Variants in CDH13 observed in about 807,000 individuals in gnomAD.
CDH13 encodes the protein cadherin 13.
A neutral mutation model predicts 63.8 loss-of-function variants in CDH13; 24 were observed. The observed-to-expected ratio is 0.38, with a 90% confidence interval of 0.27 to 0.53. The LOEUF is 0.53. Ranked by LOEUF, CDH13 falls within the 20% of genes least tolerant of loss-of-function variation. CDH13 has a pLI of 0.85. For missense variants in CDH13, 1,049 were observed against 903.1 expected, an observed-to-expected ratio of 1.16 and a Z score of -2.07; for synonymous variants, 503 against 355.3, an observed-to-expected ratio of 1.42 and a Z score of -4.67.
At chr16:82,890,512 A>G (rs2041042538) in intron 2 of CDH13, among the ~76,000 whole-genome samples, 1 of 152,234 alleles carries the variant, frequency 6.6e-6, no homozygotes, top group South Asian at 2.1e-4. Flanking sequence ...TGGAGTCATC[A>G]ACAGATGAAA....
At chr16:83,125,354 T>G in intron 3 of CDH13, 31 bp from the exon 4 acceptor site, 1 of 1,214,104 alleles carries the variant, frequency 8.2e-7, no homozygotes, top group Non-Finnish European at 1.2e-6. Flanking sequence ...CAATGGGAGA[T>G]TTTAATCAAT....
intron 11 of CDH13, among the ~76,000 whole-genome samples, chr16:83,763,990 G>C (rs1914183377): frequency 6.6e-6 from 1 of 152,154 alleles, no homozygotes; most frequent in South Asian, 2.1e-4. Flanking sequence ...CACTCTCTCA[G>C]CCTCAATTTC....
intron 6 of CDH13, among the ~76,000 whole-genome samples, chr16:83,454,105 A>G (rs1467066998): frequency 6.6e-6 from 1 of 152,258 alleles, no homozygotes; most frequent in Admixed American, 6.5e-5. Flanking sequence ...TCCGTGAAAC[A>G]CTAGGAGATT....
chr16:82,960,115 G>C (rs1906745754), intron 2 of CDH13, among the ~76,000 whole-genome samples: 1 of 152,158 alleles, frequency 6.6e-6, no homozygotes, highest in Admixed American at 6.5e-5. Context: ...CCAGTAGGGA[G>C]GGCAAATGCA....
At position 82,757,347 on chromosome 16, in the gene CDH13, A is replaced by G. The variant is rs77886770; in HGVS notation, c.46-101015A>G. 3.4e-3 allele frequency among the ~76,000 whole-genome samples: 514 copies of G among 152,204 alleles called. 2 individuals are homozygous for G. The highest frequency in any genetic ancestry group is 5.3e-3 in the Non-Finnish European group (359 of 68,008). ...TCTTGATATTTGAACTTCTTACCCA[A>G]ACCCCCAAGTCCAAAGGCCCTTGTC... On this transcript the variant is annotated intron_variant, in intron 1 of 13. Coordinates refer to ENST00000567109, the MANE Select transcript of CDH13 (RefSeq NM_001257.5).
chr16:83,325,348 C>T (rs2090336892), intron 5 of CDH13, among the ~76,000 whole-genome samples: 1 of 152,220 alleles, frequency 6.6e-6, no homozygotes, highest in South Asian at 2.1e-4. Flanking sequence ...CAGGTTGCCA[C>T]GTTGGGTTTG....
intron 2 of CDH13, among the ~76,000 whole-genome samples, chr16:83,030,868 A>T (rs181778047): frequency 6.6e-6 from 1 of 151,826 alleles, no homozygotes; most frequent in East Asian, 2.0e-4. Context: ...GATCCCCACC[A>T]TTCTAGATTC....
intron 11 of CDH13, among the ~76,000 whole-genome samples, chr16:83,765,448 A>C (rs1308740638): frequency 6.6e-6 from 1 of 152,214 alleles, no homozygotes; most frequent in Non-Finnish European, 1.5e-5. Context: ...TCAGTTCTAC[A>C]TCAAGTATAG....
intron 10 of CDH13, chr16:83,717,212 A>G (rs8050410): frequency 0.12 from 18,579 of 152,210 alleles, 1,150 homozygotes; most frequent in Admixed American, 0.14. Context: ...GTGAGCCAAG[A>G]TTGCACCACT....
chr16:83,034,668 G>C (rs1307809319), intron 3 of CDH13, among the ~76,000 whole-genome samples: 1 of 152,126 alleles, frequency 6.6e-6, no homozygotes, highest in Non-Finnish European at 1.5e-5. Flanking sequence ...CTTCGTGAAT[G>C]GTGGCTCATC....
intron 1 of CDH13, among the ~76,000 whole-genome samples, chr16:82,830,044 A>G (rs1344964392): frequency 6.6e-6 from 1 of 152,210 alleles, no homozygotes; most frequent in Non-Finnish European, 1.5e-5. Flanking sequence ...GATATATCTC[A>G]TTTAATCCTA....
intron 2 of CDH13, among the ~76,000 whole-genome samples, chr16:82,907,677 C>T (rs2041694195): frequency 6.6e-6 from 1 of 152,188 alleles, no homozygotes; most frequent in African/African-American, 2.4e-5. Flanking sequence ...CTGTTTCCAA[C>T]TGGAGGAAGA....
intron 1 of CDH13, among the ~76,000 whole-genome samples, chr16:82,674,676 T>G (rs1476231325): frequency 1.3e-5 from 2 of 152,212 alleles, no homozygotes; most frequent in African/African-American, 4.8e-5. Flanking sequence ...ATATGAGATG[T>G]GTCAGCCATC....
chr16:83,361,678 CAG>C (rs1231940011), intron 6 of CDH13, among the ~76,000 whole-genome samples: 1 of 152,058 alleles, frequency 6.6e-6, no homozygotes, highest in Non-Finnish European at 1.5e-5. Flanking sequence ...ATTTATTGAA[CAG>C]AGAGTCCTTT....
chr16:83,775,617 C>T (rs539337867), intron 11 of CDH13, among the ~76,000 whole-genome samples: 2 of 152,022 alleles, frequency 1.3e-5, no homozygotes, highest in Non-Finnish European at 2.9e-5. Flanking sequence ...ACCTGTTTTC[C>T]CTATTGAAAG....
chr16:82,657,926 C>T (rs1335015416), intron 1 of CDH13, among the ~76,000 whole-genome samples: 1 of 152,160 alleles, frequency 6.6e-6, no homozygotes, highest in Non-Finnish European at 1.5e-5. Flanking sequence ...TATCTTACTG[C>T]ATTAGCTAGG....
chr16:83,614,422 T>A (rs1029232242), intron 8 of CDH13, among the ~76,000 whole-genome samples: 6 of 152,242 alleles, frequency 3.9e-5, no homozygotes, highest in Admixed American at 2.6e-4. Context: ...AAAGCTCTCC[T>A]TGGCCCTCTG....
intron 5 of CDH13, among the ~76,000 whole-genome samples, chr16:83,268,309 G>C (rs2088687364): frequency 6.6e-6 from 1 of 152,224 alleles, no homozygotes; most frequent in African/African-American, 2.4e-5. Context: ...CAACTGGACA[G>C]TTACGCTGCT....
At chr16:83,747,726 C>T (rs1288240314) in intron 10 of CDH13, among the ~76,000 whole-genome samples, 1 of 148,768 alleles carries the variant, frequency 6.7e-6, no homozygotes, top group Non-Finnish European at 1.5e-5. Flanking sequence ...CTGCTTGTAC[C>T]TTCACAACAG....
Sources: allele counts gnomAD v4.1 joint callset (sites outside exome capture counted in the v4.1 genomes callset), GRCh38; gene constraint gnomAD v4.1.1; transcripts MANE v1.5; gene names NCBI Gene and HGNC (gene_info 2026-07-23, HGNC 2026-07-21).